Variants in STXBP3 observed in about 807,000 individuals in gnomAD.
The protein encoded by STXBP3 is syntaxin binding protein 3, also known as syntaxin-binding protein 3.
In STXBP3, 41 loss-of-function variants were observed where a neutral mutation model predicts 85.7. That is an observed-to-expected ratio of 0.48 (90% CI 0.37 to 0.62). STXBP3 has a LOEUF of 0.62. STXBP3 is among the 20% of genes least tolerant of loss of function. The pLI is 0.00. For missense variants in STXBP3, 563 were observed against 703.1 expected, an observed-to-expected ratio of 0.80 and a Z score of 2.25; for synonymous variants, 229 against 231.7, an observed-to-expected ratio of 0.99 and a Z score of 0.10.
chr1:108,780,994 CT>C (rs1161755142), intron 9 of STXBP3: 1 of 151,960 alleles, frequency 6.6e-6, no homozygotes, highest in Non-Finnish European at 1.5e-5. Flanking sequence ...TCTCGAACTC[CT>C]GGCCTCACAT....
At chr1:108,793,682 T>A in intron 12 of STXBP3, 35 bp downstream of exon 12, 1 of 1,548,258 alleles carries the variant, frequency 6.5e-7, no homozygotes, top group East Asian at 2.3e-5. Flanking sequence ...CCTGATTAGT[T>A]TTAGTTTATA....
chr1:108,757,180 A>T (rs1454509982), intron 4 of STXBP3, among the ~76,000 whole-genome samples: 1 of 152,034 alleles, frequency 6.6e-6, no homozygotes. Context: ...ATATGTGTGT[A>T]TGTATATATT....
chr1:108,796,767 G>A, intron 15 of STXBP3, 41 bp downstream of exon 15: 1 of 1,476,284 alleles, frequency 6.8e-7, no homozygotes, highest in Non-Finnish European at 9.2e-7. Context: ...ATATGTATGT[G>A]TATGTATGGT....
At chr1:108,753,671 A>G (rs1661956313) in intron 3 of STXBP3, among the ~76,000 whole-genome samples, 2 of 152,146 alleles carry the variant, frequency 1.3e-5, no homozygotes, top group African/African-American at 4.8e-5. Flanking sequence ...TCATAATGTC[A>G]TAAGAAGTTA....
At chr1:108,763,398 G>C (rs114324275) in intron 6 of STXBP3, among the ~76,000 whole-genome samples, 2,945 of 152,274 alleles carry the variant, frequency 0.019, 75 homozygotes, top group African/African-American at 0.054. Flanking sequence ...AATTCTGTGG[G>C]TGTAAGATGA....
At position 108,796,517 on chromosome 1, in the gene STXBP3, T is replaced by A. The variant is rs1018191333; in HGVS notation, c.1250-103T>A. ...AAGACTGAAGGAGATATAATTTGAC[T>A]GTTTTTTATTTTAAAAGCTTCATTC... On this transcript the variant is annotated intron_variant, in intron 14 of 18. Transcript: ENST00000370008. 4.1e-6 allele frequency: 5 copies of A among 1,212,410 alleles called. No homozygotes were observed. In the African/African-American group the frequency reaches 6.2e-5, roughly 15 times the overall value. The allele number at this position is 1,212,410 out of a possible 1,614,324, so 75.1% of individuals were successfully genotyped here.
intron 6 of STXBP3, among the ~76,000 whole-genome samples, chr1:108,762,263 A>G (rs114146052): frequency 2.0e-5 from 3 of 152,354 alleles, no homozygotes; most frequent in Non-Finnish European, 2.9e-5. Flanking sequence ...AACTGTTTCA[A>G]TCATGGTTAA....
intron 5 of STXBP3, among the ~76,000 whole-genome samples, chr1:108,759,557 G>C (rs550818414): frequency 3.2e-4 from 48 of 152,254 alleles, no homozygotes; most frequent in South Asian, 2.1e-3. Flanking sequence ...ATGTTAGAAA[G>C]CTGCCTTTAA....
At chr1:108,795,793 T>A (rs919847397) in intron 13 of STXBP3, among the ~76,000 whole-genome samples, 2 of 152,258 alleles carry the variant, frequency 1.3e-5, no homozygotes, top group African/African-American at 4.8e-5. Context: ...ACAAGTGATG[T>A]TCATATTTTC....
intron 6 of STXBP3, chr1:108,766,918 G>C: frequency 1.9e-6 from 1 of 533,976 alleles, no homozygotes; most frequent in Non-Finnish European, 3.8e-6. Context: ...CTGTAATATG[G>C]AACTGGGGAG....
chr1:108,753,416 T>TAA (rs1452465624), intron 3 of STXBP3, among the ~76,000 whole-genome samples: 6 of 151,830 alleles, frequency 4.0e-5, no homozygotes, highest in East Asian at 1.9e-4. Context: ...TATATATATA[T>TAA]AAAACAATTT....
At chr1:108,783,063 T>C (rs1662749738) in intron 11 of STXBP3, among the ~76,000 whole-genome samples, 1 of 152,232 alleles carries the variant, frequency 6.6e-6, no homozygotes, top group African/African-American at 2.4e-5. Flanking sequence ...CTAATTTTTG[T>C]ATTTTTAGTA....
chr1:108,796,861 G>T lies in STXBP3; in HGVS notation c.1356+135G>T, dbSNP rs1351614923. The T allele has an allele frequency of 3.3e-5, 18 of 548,106 alleles. No homozygotes were observed. The East Asian group carries it at 4.2e-4, about 13-fold the overall frequency. 34.0% of individuals were successfully genotyped at this position (548,106 alleles called of 1,614,324 possible). A position where few individuals can be genotyped will look rare whatever the true frequency, so the allele number is the denominator to read the frequency against. ...GATTTTGAATAAGTAAGCAATTAAA[G>T]ATTTTGTTCTCTTTTCCATATGTAA... On this transcript the variant is annotated intron_variant, in intron 15 of 18. Coordinates refer to ENST00000370008, the MANE Select transcript of STXBP3 (RefSeq NM_007269.4).
chr1:108,769,476 A>C (rs898437753), intron 6 of STXBP3, among the ~76,000 whole-genome samples: 2 of 152,196 alleles, frequency 1.3e-5, no homozygotes, highest in Admixed American at 6.5e-5. Flanking sequence ...GAGTACAGAG[A>C]GTCTGGTACA....
intron 16 of STXBP3, among the ~76,000 whole-genome samples, 169 bp downstream of exon 16, chr1:108,798,406 C>CTTTTTTT (rs781000610): frequency 5.0e-3 from 505 of 101,564 alleles, no homozygotes; most frequent in East Asian, 0.011. Context: ...GATTCTTCTT[C>CTTTTTTT]TTTTTTTTTT....
intron 6 of STXBP3, among the ~76,000 whole-genome samples, chr1:108,770,340 C>CA (rs763896034): frequency 1.3e-5 from 2 of 152,048 alleles, no homozygotes; most frequent in Non-Finnish European, 2.9e-5. Flanking sequence ...ATGGCTAAAC[C>CA]TGGTATCAGT....
chr1:108,760,016 G>T lies in STXBP3; in HGVS notation c.369G>T (p.Lys123Asn). Residue 123 changes from lysine to asparagine, a missense_variant, in exon 6 of 19, where the codon AAG (lysine) becomes AAT (asparagine). Around this residue, in one of 3 missense-constraint regions of STXBP3, gnomAD observed 494 missense variants for 592.8 expected, o/e 0.83. Coordinates refer to ENST00000370008, the MANE Select transcript of STXBP3 (RefSeq NM_007269.4). ...FCPDNLFNKI[K>N]ASCSKSIRRC... ...CTGATAATCTCTTTAACAAAATTAA[G>T]GCTTCTTGCTCCAAGTCAATAAGAA... is the stretch of plus-strand genomic sequence containing the variant. 1 of 1,576,306 alleles carries T rather than the reference G, an allele frequency of 6.3e-7. No homozygotes were observed. The highest frequency in any genetic ancestry group is 1.2e-5 in the South Asian group (1 of 83,138).
intron 1 of STXBP3, 101 bp downstream of exon 1, chr1:108,746,887 C>A: frequency 8.4e-7 from 1 of 1,191,170 alleles, no homozygotes; most frequent in Non-Finnish European, 1.2e-6. Context: ...GAGGAGCCGC[C>A]GCGAGCACTT....
chr1:108,762,855 A>T (rs904703058), intron 6 of STXBP3, among the ~76,000 whole-genome samples: 1 of 152,226 alleles, frequency 6.6e-6, no homozygotes, highest in African/African-American at 2.4e-5. Context: ...CCAGTCTGTT[A>T]GAGCAATCAC....
Sources: gnomAD v4.1 joint callset for allele counts (sites outside exome capture counted in the v4.1 genomes callset) on GRCh38, gnomAD v4.1.1 for gene constraint, gnomAD v4.1.1 regional missense constraint, MANE v1.5 for transcripts, NCBI Gene and HGNC (gene_info 2026-07-23, HGNC 2026-07-21) for gene names.